Variants in SCN3A observed in about 807,000 individuals in gnomAD.
SCN3A encodes the protein sodium voltage-gated channel alpha subunit 3.
A neutral mutation model predicts 187.6 loss-of-function variants in SCN3A; 60 were observed. The ratio of observed to expected loss-of-function variants is 0.32; its 90% CI spans 0.26 to 0.40. The LOEUF (loss-of-function observed/expected upper bound fraction) is 0.40. Among genes scored for constraint, SCN3A ranks in the 10% least tolerant of loss-of-function variants. The pLI is 1.00. For missense variants in SCN3A, 1,601 were observed against 2,428.2 expected (o/e 0.66, Z 7.16); for synonymous variants, 788 against 829.2 (o/e 0.95, Z 0.85).
chr2:165,158,193 G>GCTCCCACTGATTCTAC (rs1216699502), intron 9 of SCN3A, among the ~76,000 whole-genome samples: 3 of 140,382 alleles, frequency 2.1e-5, no homozygotes, highest in South Asian at 2.2e-4. Flanking sequence ...GTGGTTTCAG[G>GCTCCCACTGATTCTAC]ATTGTTAATC....
At chr2:165,133,110 A>G (rs1480965437) in intron 15 of SCN3A, among the ~76,000 whole-genome samples, 1 of 152,210 alleles carries the variant, frequency 6.6e-6, no homozygotes, top group Non-Finnish European at 1.5e-5. Context: ...TAGAATGGCA[A>G]TCATTAAAAA....
chr2:165,119,572 T>C (rs1292390859), intron 18 of SCN3A, among the ~76,000 whole-genome samples: 1 of 152,182 alleles, frequency 6.6e-6, no homozygotes, highest in Non-Finnish European at 1.5e-5. Context: ...TACACTGATA[T>C]AATCTAAATA....
chr2:165,101,283 A>G (rs528732857), intron 21 of SCN3A, among the ~76,000 whole-genome samples: 167 of 152,344 alleles, frequency 1.1e-3, no homozygotes, highest in Non-Finnish European at 1.7e-3. Flanking sequence ...AATTTTACTT[A>G]AATATATGAA....
At chr2:165,099,063 T>G (rs1685486214) in intron 22 of SCN3A, among the ~76,000 whole-genome samples, 3 of 152,214 alleles carry the variant, frequency 2.0e-5, no homozygotes, top group Non-Finnish European at 4.4e-5. Flanking sequence ...TTTCTTTGAT[T>G]ACAATGATTC....
chr2:165,139,963 A>G (rs1687903973), intron 13 of SCN3A, among the ~76,000 whole-genome samples: 1 of 152,078 alleles, frequency 6.6e-6, no homozygotes, highest in East Asian at 1.9e-4. Flanking sequence ...TCTATCAATG[A>G]TTAATAATCA....
chr2:165,162,677 T>C lies in SCN3A; in HGVS notation c.846A>G (p.Pro282=). Residue 282 remains proline (P), a synonymous_variant, in exon 8 of 28, where the codon CCA becomes CCG. Transcript: ENST00000283254. ...TGTTGGTTTCAAAAGCAGAATCGCT[T>C]GGGGGCCACTGCAAACATTTATTCC... The part of the protein sequence containing the change: ...NLRNKCLQWP[P]SDSAFETNTT... 6.2e-7 allele frequency: 1 copy of C among 1,614,186 alleles called. No individual in the cohort carries two copies. Among genetic ancestry groups the C allele is most frequent in the Non-Finnish European group, 8.5e-7 (1 of 1,180,020 alleles).
chr2:165,162,501 ATAG>A (rs1689470157), intron 8 of SCN3A, 52 bp downstream of exon 8: 1 of 1,609,534 alleles, frequency 6.2e-7, no homozygotes, highest in Non-Finnish European at 8.5e-7. Flanking sequence ...TCAACTATTT[ATAG>A]TTGAAAATTC....
intron 21 of SCN3A, among the ~76,000 whole-genome samples, chr2:165,100,845 T>C (rs903140388): frequency 2.0e-5 from 3 of 152,230 alleles, no homozygotes; most frequent in African/African-American, 4.8e-5. Context: ...CACCATGTAA[T>C]AGCGTTCACT....
chr2:165,132,395 A>G (rs1315558145), intron 15 of SCN3A, among the ~76,000 whole-genome samples: 3 of 152,234 alleles, frequency 2.0e-5, no homozygotes, highest in Admixed American at 2.0e-4. Context: ...ACAAGGCTAC[A>G]GTAACCAAAA....
chr2:165,122,480 CA>C (rs1686753308), intron 18 of SCN3A, among the ~76,000 whole-genome samples: 1 of 151,788 alleles, frequency 6.6e-6, no homozygotes, highest in Non-Finnish European at 1.5e-5. Flanking sequence ...AGCAGAGAAA[CA>C]AAAAAATGCA....
chr2:165,095,214 A>T (rs1186498579), intron 25 of SCN3A, among the ~76,000 whole-genome samples: 1 of 152,128 alleles, frequency 6.6e-6, no homozygotes, highest in East Asian at 1.9e-4. Flanking sequence ...AAGATGGAAA[A>T]CTGGGTGGAG....
chr2:165,095,233 T>C (rs934746625), intron 25 of SCN3A, among the ~76,000 whole-genome samples: 1 of 152,116 alleles, frequency 6.6e-6, no homozygotes, highest in African/African-American at 2.4e-5. Context: ...AGGTAATTCC[T>C]GAAAGGCTCT....
At chr2:165,130,389 G>A in intron 16 of SCN3A, 93 bp from the exon 17 acceptor site, 7 of 1,366,522 alleles carry the variant, frequency 5.1e-6, no homozygotes, top group East Asian at 2.5e-5. Context: ...ACCACACGTG[G>A]TAGATGTAAA....
intron 18 of SCN3A, among the ~76,000 whole-genome samples, chr2:165,120,895 C>A (rs188557475): frequency 5.3e-5 from 8 of 151,720 alleles, no homozygotes; most frequent in Middle Eastern, 3.4e-3. Context: ...GTACAACATC[C>A]CCGGAGCTTC....
At chr2:165,138,161 A>C (rs1294333188) in intron 14 of SCN3A, 44 bp from the exon 15 acceptor site, 4 of 1,333,724 alleles carry the variant, frequency 3.0e-6, no homozygotes, top group Non-Finnish European at 4.3e-6. Flanking sequence ...AACAACAAAA[A>C]TGAGTTATTA....
chr2:165,154,404 A>G lies in SCN3A; in HGVS notation c.1380+48T>C, dbSNP rs111236422. The G allele has an allele frequency of 1.7e-3, 2,659 of 1,590,484 alleles. 46 individuals carry two copies. The African/African-American group carries it at 0.032, about 19-fold the overall frequency. ...CTATAGTATAACACTATTTCTACTTAGAAACTAATAATAATAATGATAAAT... is the reference window on the plus strand; with the variant it reads ...CTATAGTATAACACTATTTCTACTTGGAAACTAATAATAATAATGATAAAT... On this transcript the variant is annotated intron_variant, in intron 11 of 27. Coordinates refer to ENST00000283254, the MANE Select transcript of SCN3A (RefSeq NM_006922.4).
intron 9 of SCN3A, among the ~76,000 whole-genome samples, chr2:165,161,841 C>T (rs1437339137): frequency 6.6e-6 from 1 of 152,164 alleles, no homozygotes; most frequent in African/African-American, 2.4e-5. Context: ...GAAATACATG[C>T]TCCTTCAAGA....
intron 6 of SCN3A, chr2:165,163,962 G>T: frequency 7.2e-7 from 1 of 1,391,310 alleles, no homozygotes; most frequent in Non-Finnish European, 1.0e-6. Flanking sequence ...TTAATGCTGG[G>T]TTTGGCACAT....
intron 9 of SCN3A, 39 bp downstream of exon 9, chr2:165,162,269 A>T: frequency 6.4e-7 from 1 of 1,561,656 alleles, no homozygotes; most frequent in Non-Finnish European, 8.7e-7. Flanking sequence ...TTTTTTCGCA[A>T]AGAGTTCTAT....
Sources: gnomAD v4.1 joint callset for allele counts (sites outside exome capture counted in the v4.1 genomes callset) on GRCh38, gnomAD v4.1.1 for gene constraint, MANE v1.5 for transcripts, NCBI Gene and HGNC (gene_info 2026-07-23, HGNC 2026-07-21) for gene names.